LMBR1: variants seen among roughly 807,000 people sequenced by gnomAD.
LMBR1 encodes the protein limb development membrane protein 1.
Under a neutral mutation model 73.9 loss-of-function variants are expected in LMBR1, and 52 were observed. The observed-to-expected ratio is 0.70, with a 90% CI of 0.56 to 0.89. LMBR1 has a LOEUF of 0.89. LMBR1 is among the 40% of genes least tolerant of loss of function. The pLI is 0.00. For missense variants in LMBR1, 539 were observed against 579.8 expected (o/e 0.93, Z 0.72); for synonymous variants, 215 against 209.4 (o/e 1.03, Z -0.23).
chr7:156,892,643 GGGGTC>G (rs1397544601), intron 1 of LMBR1: 1 of 289,752 alleles, frequency 3.5e-6, no homozygotes, highest in Admixed American at 5.4e-5. Context: ...GGGCGGGGGC[GGGGTC>G]GGGGCTCGAA....
chr7:156,721,245 C>G (rs1335305084), intron 15 of LMBR1, among the ~76,000 whole-genome samples: 2 of 152,062 alleles, frequency 1.3e-5, no homozygotes, highest in South Asian at 4.2e-4. Context: ...TTATTAAAAG[C>G]ATTTCAAAGA....
chr7:156,785,223 G>A (rs1462877787), intron 5 of LMBR1, among the ~76,000 whole-genome samples: 1 of 152,110 alleles, frequency 6.6e-6, no homozygotes, highest in Non-Finnish European at 1.5e-5. Flanking sequence ...GCTACAGTGA[G>A]CCAAGATTGC....
chr7:156,698,928 C>T (rs895668329), intron 15 of LMBR1, among the ~76,000 whole-genome samples: 3 of 152,164 alleles, frequency 2.0e-5, no homozygotes, highest in African/African-American at 7.2e-5. Flanking sequence ...ATTTTCCAAA[C>T]TTTTATGCTG....
chr7:156,678,157 G>A lies in LMBR1; in HGVS notation c.*5921C>T, dbSNP rs1804396659. ...GCCATCCACCCCGTAAACCTTCCGT[G>A]CCTATGTTGGCAGAGTCCATCTCTA... On this transcript the variant is annotated 3_prime_UTR_variant, in exon 17 of 17. Transcript: ENST00000353442. 1 of 152,288 alleles carries A rather than the reference G, an allele frequency of 6.6e-6. No homozygotes were observed. The highest frequency in any genetic ancestry group is 2.4e-5 in the African/African-American group (1 of 41,462). The allele number at this position is 152,288 out of a possible 1,614,324, so 9.4% of individuals were successfully genotyped here.
At chr7:156,716,846 C>T (rs1045657355) in intron 15 of LMBR1, among the ~76,000 whole-genome samples, 4 of 152,074 alleles carry the variant, frequency 2.6e-5, no homozygotes, top group East Asian at 1.9e-4. Context: ...AGGCCAGGTG[C>T]GGTGGTTCAC....
At chr7:156,765,001 C>A (rs774888404) in intron 5 of LMBR1, among the ~76,000 whole-genome samples, 2 of 152,202 alleles carry the variant, frequency 1.3e-5, no homozygotes, top group African/African-American at 4.8e-5. Context: ...GTGTTCATAG[C>A]ATGGGAGGCC....
intron 4 of LMBR1, among the ~76,000 whole-genome samples, chr7:156,820,960 G>C (rs901195817): frequency 6.6e-6 from 1 of 152,164 alleles, no homozygotes; most frequent in Non-Finnish European, 1.5e-5. Flanking sequence ...CAGGCCCTTA[G>C]GATGTTGGGG....
intron 12 of LMBR1, chr7:156,726,148 A>T (rs1456220768): frequency 8.3e-6 from 2 of 239,686 alleles, no homozygotes; most frequent in Non-Finnish European, 1.6e-5. Flanking sequence ...GAGGAAAAAA[A>T]TCCTGAATAG....
intron 5 of LMBR1, among the ~76,000 whole-genome samples, chr7:156,783,346 T>G (rs1349943740): frequency 6.6e-6 from 1 of 151,880 alleles, no homozygotes; most frequent in African/African-American, 2.4e-5. Flanking sequence ...TTAATTTTTT[T>G]TATTTTGTAT....
intron 1 of LMBR1, among the ~76,000 whole-genome samples, chr7:156,845,786 T>C (rs1839484111): frequency 6.6e-6 from 1 of 151,984 alleles, no homozygotes; most frequent in Admixed American, 6.6e-5. Context: ...GTAGCTGAGA[T>C]TACAGGTGTG....
intron 15 of LMBR1, among the ~76,000 whole-genome samples, chr7:156,698,405 T>C (rs1381089478): frequency 6.6e-6 from 1 of 152,206 alleles, no homozygotes; most frequent in African/African-American, 2.4e-5. Flanking sequence ...TGACCCCACA[T>C]TTTCATTCCG....
chr7:156,865,840 A>G (rs567200306), intron 1 of LMBR1, among the ~76,000 whole-genome samples: 1 of 152,328 alleles, frequency 6.6e-6, no homozygotes, highest in Non-Finnish European at 1.5e-5. Context: ...TATGGGGGAA[A>G]TAGCCTTTTT....
At chr7:156,713,944 T>C (rs919373283) in intron 15 of LMBR1, among the ~76,000 whole-genome samples, 3 of 152,260 alleles carry the variant, frequency 2.0e-5, no homozygotes, top group Admixed American at 6.5e-5. Flanking sequence ...TTTGAGTCCC[T>C]ACCATATTCC....
rs935574247 is a variant in LMBR1, at chr7:156,795,309, C to T, written c.423+1080G>A. On this transcript the variant is annotated intron_variant, in intron 5 of 16. Coordinates refer to ENST00000353442, the MANE Select transcript of LMBR1 (RefSeq NM_022458.4). ...TATATAAAAGGGCTTCAAACTGCAT[C>T]TTATTTGTTTACATCTGTCATTTCT... is the stretch of plus-strand genomic sequence containing the variant. Among the ~76,000 whole-genome samples, 12 of 152,160 alleles carry T rather than the reference C, an allele frequency of 7.9e-5. 1 individual carries two copies. Among genetic ancestry groups the T allele is most frequent in the African/African-American group, 2.7e-4 (11 of 41,430 alleles).
intron 15 of LMBR1, among the ~76,000 whole-genome samples, chr7:156,705,084 T>C (rs60644915): frequency 6.6e-6 from 1 of 152,098 alleles, no homozygotes; most frequent in African/African-American, 2.4e-5. Context: ...ATACAGGAGG[T>C]CCAGTGGTCC....
At chr7:156,762,022 C>T in intron 8 of LMBR1, 112 bp downstream of exon 8, 3 of 529,050 alleles carry the variant, frequency 5.7e-6, no homozygotes, top group South Asian at 2.4e-5. Context: ...GAGTGATAAA[C>T]ATACAAAACA....
chr7:156,793,363 TAAAACCGAA>T (rs1829557313), intron 5 of LMBR1, among the ~76,000 whole-genome samples: 1 of 152,204 alleles, frequency 6.6e-6, no homozygotes, highest in Non-Finnish European at 1.5e-5. Context: ...TGACTGATTT[TAAAACCGAA>T]AAATATGAAT....
intron 1 of LMBR1, 103 bp downstream of exon 1, chr7:156,892,810 CGGGAGGCGCGAGGCG>C (rs1803378608): frequency 2.5e-6 from 1 of 392,302 alleles, no homozygotes. Flanking sequence ...GAGGCCGGGG[CGGGAGGCGCGAGGCG>C]AGGCCCGGAG....
chr7:156,683,596 T>A lies in LMBR1; in HGVS notation c.*482A>T, dbSNP rs553809151. ...TCCAACATACACTGCAAAAATGATA[T>A]CTACAAGCAGTTGCCATTGCATTTG... On this transcript the variant is annotated 3_prime_UTR_variant, in exon 17 of 17. Transcript: ENST00000353442. The A allele has an allele frequency of 6.6e-6, 1 of 152,648 alleles. No homozygotes were observed. Among genetic ancestry groups the A allele is most frequent in the African/African-American group, 2.4e-5 (1 of 41,574 alleles). The allele number at this position is 152,648 out of a possible 1,614,324, so 9.5% of individuals were successfully genotyped here. A position where few individuals can be genotyped will look rare whatever the true frequency, so the allele number is the denominator to read the frequency against.
Sources: gnomAD v4.1 joint callset for allele counts (sites outside exome capture counted in the v4.1 genomes callset) on GRCh38, gnomAD v4.1.1 for gene constraint, MANE v1.5 for transcripts, NCBI Gene and HGNC (gene_info 2026-07-23, HGNC 2026-07-21) for gene names.